The following SRGAP2C variants were observed in gnomAD, a reference collection of about 807,000 sequenced individuals.
SRGAP2C encodes SLIT-ROBO Rho GTPase activating protein 2C, also known as SLIT-ROBO Rho GTPase-activating protein 2C.
Under a neutral mutation model 25.1 loss-of-function variants are expected in SRGAP2C, and 15 were observed. The ratio of observed to expected loss-of-function variants is 0.60; its 90% CI spans 0.40 to 0.92. The LOEUF (loss-of-function observed/expected upper bound fraction) is 0.92. Among genes scored for constraint, SRGAP2C ranks in the 40% least tolerant of loss-of-function variants. The pLI is 0.00. For synonymous variants in SRGAP2C, 44 were observed against 96.6 expected, an observed-to-expected ratio of 0.46 and a Z score of 3.19; for missense variants, 144 against 264.4, an observed-to-expected ratio of 0.54 and a Z score of 3.16.
chr1:121,368,707 G>C (rs1392341080), intron 5 of SRGAP2C, among the ~76,000 whole-genome samples: 2 of 130,014 alleles, frequency 1.5e-5, no homozygotes, highest in African/African-American at 5.9e-5. Flanking sequence ...GAGGAGTCAA[G>C]AAGAGAACAA....
rs1427019312 is a variant in SRGAP2C, at chr1:121,228,114, G to A, written c.67+40601G>A. 1.9e-3 allele frequency among the ~76,000 whole-genome samples: 149 copies of A among 79,996 alleles called. 19 individuals are homozygous for A. The highest frequency in any genetic ancestry group is 4.9e-3 in the Middle Eastern group (1 of 204). 52.5% of individuals were successfully genotyped at this position (79,996 alleles called of 152,430 possible). A position where few individuals can be genotyped will look rare whatever the true frequency, so the allele number is the denominator to read the frequency against. On this transcript the variant is annotated intron_variant, in intron 2 of 9. Transcript: ENST00000367123. ...GTTCTATTCTTAGACCACAATCACC[G>A]GAATAGAAAGCCTCCGACCCCACAT...
intron 2 of SRGAP2C, among the ~76,000 whole-genome samples, chr1:121,283,790 C>T (rs1156690004): frequency 1.3e-5 from 2 of 151,786 alleles, no homozygotes; most frequent in Non-Finnish European, 2.9e-5. Context: ...CTTCTCTGAG[C>T]TGAAAATCAG....
chr1:121,278,992 GCT>G (rs1272120877), intron 2 of SRGAP2C, among the ~76,000 whole-genome samples: 1 of 152,172 alleles, frequency 6.6e-6, no homozygotes, highest in Admixed American at 6.6e-5. Flanking sequence ...TCCTGAGATG[GCT>G]GAGGTGACAT....
chr1:121,269,344 TTGAC>T (rs1198177907), intron 2 of SRGAP2C, among the ~76,000 whole-genome samples: 2 of 115,694 alleles, frequency 1.7e-5, no homozygotes, highest in Non-Finnish European at 3.8e-5. Context: ...TACAGTGTGT[TTGAC>T]TGCTGCTGGT....
At chr1:121,356,898 A>T (rs587714906) in intron 4 of SRGAP2C, among the ~76,000 whole-genome samples, 1,658 of 151,928 alleles carry the variant, frequency 0.011, 38 homozygotes, top group African/African-American at 0.038. Context: ...GATTGGAACA[A>T]CCATGGAAGA....
rs1324568846 is a variant in SRGAP2C, at chr1:121,284,895, C to G, written c.160C>G (p.Arg54Gly). 4.8e-5 allele frequency: 73 copies of G among 1,512,348 alleles called. 2 individuals are homozygous for G. Among genetic ancestry groups the G allele is most frequent in the Non-Finnish European group, 6.2e-5 (69 of 1,117,518 alleles). The allele number at this position is 1,512,348 out of a possible 1,614,324, so 93.7% of individuals were successfully genotyped here. ...QLLQDLQDFF[R>G]KKAEIEMDYS... ...GTTGCAGGACCTCCAGGACTTCTTC[C>G]GAAAGAAGGCAGAGATTGAGATGGA... Residue 54 changes from arginine (R) to glycine (G), a missense_variant, in exon 3 of 10, where the codon CGA (arginine) becomes GGA (glycine). By Grantham distance (125) the Arg-to-Gly change is moderately radical. Around this residue, in one of 5 missense-constraint regions of SRGAP2C, gnomAD observed 17 missense variants for 40.3 expected, o/e 0.42. Transcript: ENST00000367123.
At chr1:121,358,750 C>G (rs1437263325) in intron 4 of SRGAP2C, among the ~76,000 whole-genome samples, 2 of 140,318 alleles carry the variant, frequency 1.4e-5, no homozygotes, top group Non-Finnish European at 3.0e-5. Flanking sequence ...TATGTAATAG[C>G]TGGATTTTTT....
At chr1:121,314,547 C>A (rs1658050114) in intron 3 of SRGAP2C, among the ~76,000 whole-genome samples, 1 of 151,950 alleles carries the variant, frequency 6.6e-6, no homozygotes, top group Non-Finnish European at 1.5e-5. Context: ...TTTTCCCCAT[C>A]TTTGTGGTTT....
intron 3 of SRGAP2C, among the ~76,000 whole-genome samples, chr1:121,295,505 C>G (rs1447811335): frequency 1.3e-5 from 2 of 151,624 alleles, no homozygotes; most frequent in Non-Finnish European, 2.9e-5. Context: ...TTACCATGTG[C>G]CAGACACATG....
At chr1:121,192,155 A>AT (rs1434866684) in intron 2 of SRGAP2C, among the ~76,000 whole-genome samples, 1 of 151,218 alleles carries the variant, frequency 6.6e-6, no homozygotes, top group Non-Finnish European at 1.5e-5. Context: ...GGTCTGAGCA[A>AT]TTTTTCATTC....
intron 2 of SRGAP2C, among the ~76,000 whole-genome samples, chr1:121,264,657 C>T (rs587672235): frequency 1.3e-5 from 2 of 151,648 alleles, no homozygotes; most frequent in East Asian, 3.9e-4. Context: ...TAGGTAATTC[C>T]AATCCTTTAC....
chr1:121,233,228 C>G (rs1388480101), intron 2 of SRGAP2C, among the ~76,000 whole-genome samples: 1 of 94,814 alleles, frequency 1.1e-5, no homozygotes, highest in African/African-American at 4.0e-5. Flanking sequence ...CTCATTGCAG[C>G]CTCCGCCTCC....
At chr1:121,212,274 G>A (rs1303624249) in intron 2 of SRGAP2C, among the ~76,000 whole-genome samples, 1 of 141,126 alleles carries the variant, frequency 7.1e-6, no homozygotes, top group Non-Finnish European at 1.5e-5. Context: ...GGGACTACAG[G>A]CGCCCGCCAC....
chr1:121,359,912 G>A (rs1553348249), intron 4 of SRGAP2C, among the ~76,000 whole-genome samples: 1 of 152,118 alleles, frequency 6.6e-6, no homozygotes, highest in Non-Finnish European at 1.5e-5. Flanking sequence ...TCTAGCTAGA[G>A]GATTGTAAAT....
intron 2 of SRGAP2C, among the ~76,000 whole-genome samples, chr1:121,192,415 G>T (rs1553319917): frequency 6.6e-6 from 1 of 151,754 alleles, no homozygotes; most frequent in African/African-American, 2.4e-5. Context: ...CAGCAGTAAG[G>T]TGAACTCCTG....
In SRGAP2C at chr1:121,350,343, T is replaced by C. The variant is rs368618006; in HGVS notation, c.424-14950T>C. Among the ~76,000 whole-genome samples, 115 of 136,696 alleles carry C rather than the reference T, an allele frequency of 8.4e-4. 1 individual carries two copies. The East Asian group carries it at 0.026, about 31-fold the overall frequency. 89.7% of individuals were successfully genotyped at this position (136,696 alleles called of 152,430 possible). On this transcript the variant is annotated intron_variant, in intron 4 of 9. Transcript: ENST00000367123. Reference sequence around the variant, plus strand: ...AATTTAAATCCTCTCTAGAGGAAGATACTGTGGAAGATACTATCATCCTAG... The same window carrying C: ...AATTTAAATCCTCTCTAGAGGAAGACACTGTGGAAGATACTATCATCCTAG...
chr1:121,237,616 T>A (rs1169225356), intron 2 of SRGAP2C, among the ~76,000 whole-genome samples: 4 of 151,582 alleles, frequency 2.6e-5, no homozygotes. Context: ...AGTAAGGAGG[T>A]CATAGTAAAG....
chr1:121,358,708 TAGAA>T (rs1403066913), intron 4 of SRGAP2C, among the ~76,000 whole-genome samples: 1 of 149,830 alleles, frequency 6.7e-6, no homozygotes, highest in Admixed American at 6.7e-5. Flanking sequence ...ATTAGTAACT[TAGAA>T]AGACAAATCC....
rs1424296350 is a variant in SRGAP2C at position 121,185,044 on chromosome 1, C to A, written c.-623C>A. The A allele has an allele frequency of 1.4e-5, 7 of 514,164 alleles. No homozygotes were observed. The highest frequency in any genetic ancestry group is 2.1e-5 in the Non-Finnish European group (6 of 291,556). 31.9% of individuals were successfully genotyped at this position (514,164 alleles called of 1,614,324 possible). A position where few individuals can be genotyped will look rare whatever the true frequency, so the allele number is the denominator to read the frequency against. ...ACTGGGGCACCGATCTGCGTAGAAA[C>A]GGGTGGCGGGGAAGAGAGGGGAGGA... On this transcript the variant is annotated 5_prime_UTR_variant, in exon 1 of 10. Coordinates refer to ENST00000367123, the MANE Select transcript of SRGAP2C (RefSeq NM_001329984.2).
Sources: allele counts gnomAD v4.1 joint callset (sites outside exome capture counted in the v4.1 genomes callset), GRCh38; gene constraint gnomAD v4.1.1; regional missense constraint gnomAD v4.1.1; transcripts MANE v1.5; gene names NCBI Gene and HGNC (gene_info 2026-07-23, HGNC 2026-07-21).